Variants in AKAP6 observed in about 807,000 individuals in gnomAD.
AKAP6 encodes A-kinase anchoring protein 6, also known as A-kinase anchor protein 6.
In AKAP6, 58 loss-of-function variants were observed where a neutral mutation model predicts 188.5. The observed-to-expected ratio is 0.31, with a 90% CI of 0.25 to 0.38. AKAP6 has a LOEUF of 0.38. Among genes scored for constraint, AKAP6 ranks in the 10% least tolerant of loss-of-function variants. The pLI is 1.00. For missense variants in AKAP6, 2,710 were observed against 2,740.0 expected (o/e 0.99, Z 0.24); for synonymous variants, 989 against 998.6 (o/e 0.99, Z 0.18).
intron 11 of AKAP6, among the ~76,000 whole-genome samples, chr14:32,753,900 G>A (rs903877553): frequency 2.0e-5 from 3 of 152,066 alleles, no homozygotes. Context: ...TTTAATGTGA[G>A]TACCATGCTG....
intron 1 of AKAP6, among the ~76,000 whole-genome samples, chr14:32,397,757 G>T (rs190305218): frequency 6.6e-6 from 1 of 152,180 alleles, no homozygotes; most frequent in Non-Finnish European, 1.5e-5. Flanking sequence ...TAAGGCAAGG[G>T]TAGGTACAAT....
chr14:32,601,927 T>A (rs1885941863), intron 7 of AKAP6, among the ~76,000 whole-genome samples: 1 of 152,210 alleles, frequency 6.6e-6, no homozygotes, highest in Non-Finnish European at 1.5e-5. Context: ...TTAACTTATT[T>A]GTTGGAAACA....
At chr14:32,569,615 A>G (rs1884376345) in intron 4 of AKAP6, among the ~76,000 whole-genome samples, 1 of 152,214 alleles carries the variant, frequency 6.6e-6, no homozygotes, top group Admixed American at 6.5e-5. Context: ...ATCTAAATCT[A>G]GTCATTTTAT....
At chr14:32,539,387 C>T (rs554216012) in intron 3 of AKAP6, among the ~76,000 whole-genome samples, 14 of 152,120 alleles carry the variant, frequency 9.2e-5, no homozygotes, top group Non-Finnish European at 1.5e-4. Flanking sequence ...GGTTCCTCCA[C>T]TGGCACTTAT....
At chr14:32,669,623 A>C (rs538612903) in intron 7 of AKAP6, among the ~76,000 whole-genome samples, 1 of 152,304 alleles carries the variant, frequency 6.6e-6, no homozygotes, top group South Asian at 2.1e-4. Flanking sequence ...AAGTGTATTC[A>C]TCCATTCTCA....
At chr14:32,377,544 T>C (rs930942185) in intron 1 of AKAP6, among the ~76,000 whole-genome samples, 1 of 152,112 alleles carries the variant, frequency 6.6e-6, no homozygotes, top group Non-Finnish European at 1.5e-5. Context: ...CAGGGTGCCA[T>C]GCTGAGAGAA....
intron 4 of AKAP6, among the ~76,000 whole-genome samples, chr14:32,563,395 T>C (rs542310022): frequency 9.2e-5 from 14 of 152,134 alleles, no homozygotes; most frequent in Non-Finnish European, 1.9e-4. Flanking sequence ...TGTCTTAAAA[T>C]GTGTAAAGAG....
At chr14:32,633,622 G>A (rs1887367998) in intron 7 of AKAP6, among the ~76,000 whole-genome samples, 1 of 152,050 alleles carries the variant, frequency 6.6e-6, no homozygotes, top group African/African-American at 2.4e-5. Context: ...TCTGACACAA[G>A]AATAGCATAT....
At chr14:32,431,343 G>A (rs1469032334) in intron 1 of AKAP6, among the ~76,000 whole-genome samples, 1 of 152,190 alleles carries the variant, frequency 6.6e-6, no homozygotes, top group Admixed American at 6.5e-5. Flanking sequence ...GAAAAAAAGT[G>A]TGGGGTATGG....
At chr14:32,727,448 T>A (rs2030927655) in intron 9 of AKAP6, among the ~76,000 whole-genome samples, 1 of 152,228 alleles carries the variant, frequency 6.6e-6, no homozygotes, top group Non-Finnish European at 1.5e-5. Flanking sequence ...TAATGGCAGA[T>A]ACTTTAAAAA....
chr14:32,622,451 C>T (rs977216414), intron 7 of AKAP6, among the ~76,000 whole-genome samples: 4 of 151,728 alleles, frequency 2.6e-5, no homozygotes, highest in African/African-American at 9.7e-5. Flanking sequence ...TAATTGAGAG[C>T]TTCAAATAAG....
At chr14:32,523,256 A>C (rs904594835) in intron 2 of AKAP6, among the ~76,000 whole-genome samples, 1 of 152,164 alleles carries the variant, frequency 6.6e-6, no homozygotes, top group Non-Finnish European at 1.5e-5. Flanking sequence ...GCAGCACACC[A>C]ACATGGCACA....
At position 32,730,937 on chromosome 14, in the gene AKAP6, G is replaced by A. The variant is rs188915015; in HGVS notation, c.3001-1517G>A. 2.6e-5 allele frequency among the ~76,000 whole-genome samples: 4 copies of A among 152,188 alleles called. No homozygotes were observed. In the East Asian group the frequency reaches 7.7e-4, roughly 29 times the overall value. ...CTAAGTGCTGGAGTAACATGGTCCT[G>A]GTAATTGCCTTCCATTAGAAAACGC... On this transcript the variant is annotated intron_variant, in intron 9 of 13. Transcript: ENST00000280979.
At position 32,786,298 on chromosome 14, in the gene AKAP6, C is replaced by CTTTTTTTTTT. The variant is rs1162974012; in HGVS notation, c.3588+12423_3588+12432dup. 9.8e-4 allele frequency among the ~76,000 whole-genome samples: 81 copies of CTTTTTTTTTT among 82,554 alleles called. 8 individuals are homozygous for CTTTTTTTTTT. The highest frequency in any genetic ancestry group is 1.9e-3 in the East Asian group (4 of 2,160). 54.2% of individuals were successfully genotyped at this position (82,554 alleles called of 152,430 possible). A position where few individuals can be genotyped will look rare whatever the true frequency, so the allele number is the denominator to read the frequency against. ...CCCTCTGAAAGACCTAAACCTTTAT[C>CTTTTTTTTTT]TTTTTTTTTTTTTTTTTTTTTTTTT... On this transcript the variant is annotated intron_variant, in intron 12 of 13. Transcript: ENST00000280979.
At chr14:32,638,914 T>C (rs1187433054) in intron 7 of AKAP6, among the ~76,000 whole-genome samples, 4 of 152,040 alleles carry the variant, frequency 2.6e-5, no homozygotes, top group African/African-American at 9.7e-5. Context: ...TGATATCTTA[T>C]GGAAGTATAG....
chr14:32,377,971 A>G (rs529448377), intron 1 of AKAP6, among the ~76,000 whole-genome samples: 1 of 152,292 alleles, frequency 6.6e-6, no homozygotes, highest in East Asian at 1.9e-4. Context: ...GGCAGTAGAC[A>G]TGGTGAATAC....
intron 4 of AKAP6, among the ~76,000 whole-genome samples, chr14:32,551,868 G>A (rs983283240): frequency 2.6e-5 from 4 of 151,268 alleles, no homozygotes; most frequent in South Asian, 2.1e-4. Flanking sequence ...GGGTTTCACC[G>A]TGAGAGCCAG....
intron 7 of AKAP6, among the ~76,000 whole-genome samples, chr14:32,671,257 C>T (rs1889180127): frequency 1.3e-5 from 2 of 152,114 alleles, no homozygotes; most frequent in African/African-American, 4.8e-5. Flanking sequence ...AGAGCACACC[C>T]ACCAGCCCTG....
At chr14:32,816,364 A>T (rs564188846) in intron 12 of AKAP6, among the ~76,000 whole-genome samples, 2 of 152,114 alleles carry the variant, frequency 1.3e-5, no homozygotes, top group Non-Finnish European at 2.9e-5. Flanking sequence ...GGCTAATTTT[A>T]AAAAATTTTT....
Sources: gnomAD v4.1 joint callset for allele counts (sites outside exome capture counted in the v4.1 genomes callset) on GRCh38, gnomAD v4.1.1 for gene constraint, MANE v1.5 for transcripts, NCBI Gene and HGNC (gene_info 2026-07-23, HGNC 2026-07-21) for gene names.